UBA6: variants seen among roughly 807,000 people sequenced by gnomAD.
UBA6 encodes ubiquitin-like modifier-activating enzyme 6.
In UBA6, 87 loss-of-function variants were observed where a neutral mutation model predicts 148.3. That is an observed-to-expected ratio of 0.59 (90% CI 0.49 to 0.70). The LOEUF (loss-of-function observed/expected upper bound fraction) is 0.70, where lower values mean the gene tolerates loss of function less well. Ranked by LOEUF, UBA6 falls within the 30% of genes least tolerant of loss-of-function variation. The probability of loss-of-function intolerance (pLI) is 0.00; values close to 1 mark genes in which losing one functional copy is unlikely to be tolerated. For synonymous variants in UBA6, 376 were observed against 401.0 expected (o/e 0.94, Z 0.75); for missense variants, 1,186 against 1,241.2 (o/e 0.96, Z 0.67).
intron 2 of UBA6, among the ~76,000 whole-genome samples, chr4:67,682,571 T>C (rs970638260): frequency 6.6e-6 from 1 of 152,146 alleles, no homozygotes; most frequent in Non-Finnish European, 1.5e-5. Flanking sequence ...AGTTTGCCAT[T>C]TCCACCTTAA....
At chr4:67,639,616 A>T (rs1729254544) in intron 18 of UBA6, among the ~76,000 whole-genome samples, 2 of 152,126 alleles carry the variant, frequency 1.3e-5, no homozygotes, top group Admixed American at 6.5e-5. Flanking sequence ...TTTGTGTTCC[A>T]TTTTATAAAA....
chr4:67,647,191 GAC>G (rs1729438771), intron 14 of UBA6, among the ~76,000 whole-genome samples: 1 of 152,088 alleles, frequency 6.6e-6, no homozygotes, highest in South Asian at 2.1e-4. Context: ...GATTTTTTGA[GAC>G]AGAGTCTTTC....
At chr4:67,628,867 G>C (rs574970420) in intron 27 of UBA6, among the ~76,000 whole-genome samples, 1 of 151,872 alleles carries the variant, frequency 6.6e-6, no homozygotes, top group Non-Finnish European at 1.5e-5. Flanking sequence ...AGTCTATACT[G>C]ATCTTTTTTA....
chr4:67,663,929 A>T lies in UBA6; in HGVS notation c.916T>A (p.Leu306Ile). 3 of 1,613,372 alleles carry T rather than the reference A, an allele frequency of 1.9e-6. No homozygotes were observed. The highest frequency in any genetic ancestry group is 2.5e-6 in the Non-Finnish European group (3 of 1,179,628). Reference protein sequence around the residue: ...TVFFESLERQLKHPKCLIVDF... With the variant: ...TVFFESLERQIKHPKCLIVDF... ...ACAATAAGGCACTTTGGATGTTTTA[A>T]CTGCCTCTCCAGTGATTCCTGATAG... The change falls in exon 11 of 33, where the codon TTA becomes ATA. Residue 306 changes from leucine (L) to isoleucine (I), a missense_variant. By Grantham distance (5) the Leu-to-Ile change is conservative. Coordinates refer to ENST00000322244, the MANE Select transcript of UBA6 (RefSeq NM_018227.6).
chr4:67,675,590 G>A (rs192627539), intron 6 of UBA6, among the ~76,000 whole-genome samples: 1 of 152,150 alleles, frequency 6.6e-6, no homozygotes, highest in Non-Finnish European at 1.5e-5. Flanking sequence ...AATTAGCAGG[G>A]CGTGGTGGCA....
chr4:67,682,173 T>C lies in UBA6; in HGVS notation c.175A>G (p.Met59Val). The C allele has an allele frequency of 6.2e-7, 1 of 1,613,958 alleles. No homozygotes were observed. Among genetic ancestry groups the C allele is most frequent in the Non-Finnish European group, 8.5e-7 (1 of 1,179,898 alleles). Residue 59 changes from methionine to valine, a missense_variant, in exon 3 of 33, where the codon ATG becomes GTG. Met to Val is a conservative substitution (Grantham distance 21, BLOSUM62 1). Coordinates refer to ENST00000322244, the MANE Select transcript of UBA6 (RefSeq NM_018227.6). Reference protein sequence around the residue: ...YVLGDTAMQKMAKSHVFLSGM... With the variant: ...YVLGDTAMQKVAKSHVFLSGM... ...CTTAAGAAAACATGGGACTTGGCCA[T>C]CTTCTGCATTGCTGTGTCTCCAAGA... is the stretch of plus-strand genomic sequence containing the variant.
At position 67,663,168 on chromosome 4, in the gene UBA6, C is replaced by G. The variant is rs1438766085; in HGVS notation, c.1008G>C (p.Gln336His). The change falls in exon 12 of 33, where the codon CAG becomes CAC. Residue 336 changes from glutamine (Q) to histidine (H), a missense_variant. Transcript: ENST00000322244. ...HTAMLALDQFQEKYSRKPNVG... is the reference protein window; with the variant it reads ...HTAMLALDQFHEKYSRKPNVG... ...CATTTGGCTTGCGACTGTATTTCTC[C>G]TGAAACTGGTCCAAGGCAAGCATAG... 1 of 1,611,196 alleles carries G rather than the reference C, an allele frequency of 6.2e-7. No homozygotes were observed. Among genetic ancestry groups the G allele is most frequent in the Non-Finnish European group, 8.5e-7 (1 of 1,178,958 alleles).
chr4:67,633,522 T>C (rs768431480), intron 22 of UBA6, 49 bp from the exon 23 acceptor site: 2 of 1,511,920 alleles, frequency 1.3e-6, no homozygotes, highest in East Asian at 4.7e-5. Context: ...ATTACAAACA[T>C]ATACACATCC....
At chr4:67,657,695 G>A (rs1427114713) in intron 13 of UBA6, among the ~76,000 whole-genome samples, 1 of 151,814 alleles carries the variant, frequency 6.6e-6, no homozygotes, top group Non-Finnish European at 1.5e-5. Context: ...TTAAACTAAA[G>A]AGCTTCTGCA....
chr4:67,675,911 T>C (rs925451254), intron 6 of UBA6, among the ~76,000 whole-genome samples: 15 of 152,182 alleles, frequency 9.9e-5, no homozygotes, highest in Non-Finnish European at 1.8e-4. Flanking sequence ...GGACTTTATA[T>C]ACTGGAATAC....
At chr4:67,657,946 G>C (rs1208025438) in intron 13 of UBA6, among the ~76,000 whole-genome samples, 1 of 151,926 alleles carries the variant, frequency 6.6e-6, no homozygotes, top group African/African-American at 2.4e-5. Flanking sequence ...ATGCAAAAAT[G>C]CTCATCATCA....
chr4:67,690,997 C>T (rs914465462), intron 2 of UBA6, among the ~76,000 whole-genome samples: 1 of 152,152 alleles, frequency 6.6e-6, no homozygotes, highest in Non-Finnish European at 1.5e-5. Context: ...ATTTGCTACA[C>T]AGATCTGCTA....
intron 18 of UBA6, among the ~76,000 whole-genome samples, chr4:67,640,835 C>A (rs993802415): frequency 2.0e-5 from 3 of 152,070 alleles, no homozygotes. Flanking sequence ...AATTTGCTAC[C>A]AAAACCTCAA....
intron 1 of UBA6, among the ~76,000 whole-genome samples, chr4:67,698,134 C>A (rs1181305897): frequency 6.6e-6 from 1 of 152,186 alleles, no homozygotes; most frequent in East Asian, 1.9e-4. Context: ...TTCTTAAAAT[C>A]TCGGAATAGC....
chr4:67,644,697 C>A lies in UBA6; in HGVS notation c.1476+1G>T. 1 of 1,564,610 alleles carries A rather than the reference C, an allele frequency of 6.4e-7. No individual in the cohort carries two copies. Among genetic ancestry groups the A allele is most frequent in the Non-Finnish European group, 8.8e-7 (1 of 1,135,212 alleles). On this transcript the variant is annotated splice_donor_variant, in intron 17 of 32. Transcript: ENST00000322244. LOFTEE classifies it high-confidence loss of function. ...TTAACTCTCAAGAATTGATATCTTA[C>A]CATTCCTTTCTCTTTGCTTGTGCCA... is the stretch of plus-strand genomic sequence containing the variant.
At chr4:67,645,894 G>A (rs892339073) in intron 16 of UBA6, 44 bp downstream of exon 16, 10 of 1,213,384 alleles carry the variant, frequency 8.2e-6, no homozygotes, top group East Asian at 2.4e-5. Context: ...GTTGATATAC[G>A]ATAGCAGTTT....
intron 7 of UBA6, among the ~76,000 whole-genome samples, chr4:67,672,016 C>T (rs894593981): frequency 1.3e-5 from 2 of 151,734 alleles, no homozygotes; most frequent in East Asian, 3.9e-4. Flanking sequence ...AAAGATACCT[C>T]AAATTCAATG....
chr4:67,689,919 T>G (rs946225436), intron 2 of UBA6, among the ~76,000 whole-genome samples: 5 of 152,120 alleles, frequency 3.3e-5, no homozygotes, highest in African/African-American at 1.2e-4. Context: ...GCTCATGGTC[T>G]GACAGAGTTG....
chr4:67,658,744 T>G (rs755096667), intron 13 of UBA6, among the ~76,000 whole-genome samples: 4 of 152,188 alleles, frequency 2.6e-5, no homozygotes, highest in Non-Finnish European at 5.9e-5. Context: ...TTAATTATAT[T>G]TAGTGATAGA....
Sources: allele counts gnomAD v4.1 joint callset (sites outside exome capture counted in the v4.1 genomes callset), GRCh38; gene constraint gnomAD v4.1.1; transcripts MANE v1.5; gene names NCBI Gene and HGNC (gene_info 2026-07-23, HGNC 2026-07-21).